The following SETX variants were observed in gnomAD, a reference collection of about 807,000 sequenced individuals.
The protein encoded by SETX is senataxin.
A neutral mutation model predicts 227.2 loss-of-function variants in SETX; 90 were observed. That is an observed-to-expected ratio of 0.40 (90% CI 0.33 to 0.47). The LOEUF is 0.47. Among genes scored for constraint, SETX ranks in the 20% least tolerant of loss-of-function variants. The probability of loss-of-function intolerance (pLI) is 0.91; values close to 1 mark genes in which losing one functional copy is unlikely to be tolerated. For synonymous variants in SETX, 1,210 were observed against 1,113.2 expected (o/e 1.09, Z -1.73); for missense variants, 3,052 against 3,181.5 (o/e 0.96, Z 0.98).
Position 132,264,166 on chromosome 9 carries a change from T to C in SETX, c.*73A>G, listed in dbSNP as rs951887677. Reference sequence around the variant, plus strand: ...ACTCCTTACAAAAAACAAGCTTATCTAGATGGTCCCACGAGCTGGTCATCT... The same window carrying C: ...ACTCCTTACAAAAAACAAGCTTATCCAGATGGTCCCACGAGCTGGTCATCT... On this transcript the variant is annotated 3_prime_UTR_variant, in exon 26 of 26. Coordinates refer to ENST00000224140, the MANE Select transcript of SETX (RefSeq NM_015046.7). 2 of 1,603,050 alleles carry C rather than the reference T, an allele frequency of 1.2e-6. No individual in the cohort carries two copies. The highest frequency in any genetic ancestry group is 8.5e-7 in the Non-Finnish European group (1 of 1,175,772).
chr9:132,277,935 A>AT (rs1843259220), intron 21 of SETX, 135 bp downstream of exon 21: 5 of 870,612 alleles, frequency 5.7e-6, no homozygotes, highest in Non-Finnish European at 9.1e-6. Context: ...GATGGCTATT[A>AT]TAACAGGACA....
At chr9:132,320,010 C>T (rs1846219474) in intron 10 of SETX, among the ~76,000 whole-genome samples, 1 of 152,134 alleles carries the variant, frequency 6.6e-6, no homozygotes, top group South Asian at 2.1e-4. Context: ...CCACAACTGA[C>T]TGCAAAAAAT....
rs1842438716 is a variant in SETX, at chr9:132,262,275, G to A, written c.*1964C>T. ...TTATTTCTCAAATCATGTGTTAATA[G>A]TATTAACATGAGCAGCGTGAGAGAC... On this transcript the variant is annotated 3_prime_UTR_variant, in exon 26 of 26. Transcript: ENST00000224140. The A allele has an allele frequency of 1.3e-5, 2 of 152,302 alleles. No homozygotes were observed. Among genetic ancestry groups the A allele is most frequent in the African/African-American group, 4.8e-5 (2 of 41,556 alleles). 9.4% of individuals were successfully genotyped at this position (152,302 alleles called of 1,614,324 possible).
chr9:132,290,985 C>T (rs186754255), intron 15 of SETX, among the ~76,000 whole-genome samples: 1 of 151,970 alleles, frequency 6.6e-6, no homozygotes, highest in East Asian at 1.9e-4. Flanking sequence ...AAATGTTAAG[C>T]CCCAAAAGAA....
chr9:132,270,699 T>G (rs534438981), intron 24 of SETX, among the ~76,000 whole-genome samples: 11 of 152,326 alleles, frequency 7.2e-5, no homozygotes, highest in African/African-American at 2.6e-4. Context: ...AAAAATGTGG[T>G]ACCAGCCTAA....
chr9:132,328,749 G>A lies in SETX; in HGVS notation c.2849C>T (p.Ser950Phe), dbSNP rs1847020598. ...TATCTGAGAATCCGTTAAGGTGTCA[G>A]ATTTAGGACTGATGTCAGGGGCCTG... is the stretch of plus-strand genomic sequence containing the variant. ...REQAPDISPKSDTLTDSQIDR... is the reference protein window; with the variant it reads ...REQAPDISPKFDTLTDSQIDR... The change falls in exon 10 of 26, where the codon TCT becomes TTT. Residue 950 changes from serine (S) to phenylalanine (F), a missense_variant. By Grantham distance (155) the Ser-to-Phe change is radical (BLOSUM62 -2). This residue lies in a region of SETX where 1,483 missense variants were observed against 1,312.0 expected (regional missense o/e 1.13). Transcript: ENST00000224140. 1 of 1,612,756 alleles carries A rather than the reference G, an allele frequency of 6.2e-7. No homozygotes were observed.
At chr9:132,321,775 G>A (rs13295298) in intron 10 of SETX, among the ~76,000 whole-genome samples, 1 of 151,554 alleles carries the variant, frequency 6.6e-6, no homozygotes, top group African/African-American at 2.4e-5. Flanking sequence ...TTGAACCCAA[G>A]AGGCAGAGGT....
rs546117678 is a variant in SETX, at chr9:132,352,390, G to A, written c.-8+1259C>T. On this transcript the variant is annotated intron_variant, in intron 2 of 25. Transcript: ENST00000224140. ...TCTTCATTCAGTACTCTTTCTGGGC[G>A]GCCTACTTCAAACCACTGCTTCAAC... 2.0e-4 allele frequency among the ~76,000 whole-genome samples: 31 copies of A among 152,248 alleles called. 1 individual carries two copies. The South Asian group carries it at 5.2e-3, about 25-fold the overall frequency.
intron 2 of SETX, among the ~76,000 whole-genome samples, chr9:132,352,259 C>T (rs544683428): frequency 1.3e-5 from 2 of 152,326 alleles, no homozygotes; most frequent in South Asian, 4.1e-4. Flanking sequence ...TACAACACAC[C>T]ATTTTTTGGA....
At position 132,328,417 on chromosome 9, in the gene SETX, G is replaced by A. The variant is rs111537259; in HGVS notation, c.3181C>T (p.Pro1061Ser). 6.2e-7 allele frequency: 1 copy of A among 1,613,684 alleles called. No homozygotes were observed. Among genetic ancestry groups the A allele is most frequent in the African/African-American group, 1.3e-5 (1 of 74,864 alleles). ...GTCTCTGTCTTTTCTTCCTTTACTG[G>A]ATTCTTTTCCTCCTTACTATTAACT... ...STVNSKEEKNPVKEEKTETLF... is the reference protein window; with the variant it reads ...STVNSKEEKNSVKEEKTETLF... The change falls in exon 10 of 26, where the codon CCA (proline) becomes TCA (serine). Residue 1061 changes from proline to serine, a missense_variant. Coordinates refer to ENST00000224140, the MANE Select transcript of SETX (RefSeq NM_015046.7).
chr9:132,265,776 A>C (rs891698275), intron 25 of SETX, among the ~76,000 whole-genome samples: 1 of 152,040 alleles, frequency 6.6e-6, no homozygotes, highest in Non-Finnish European at 1.5e-5. Context: ...TACTGCCTAC[A>C]CCTCTTGGCA....
Position 132,340,035 on chromosome 9 carries a change from T to C in SETX, c.498+2655A>G, listed in dbSNP as rs1847864041. Among the ~76,000 whole-genome samples, 3 of 152,186 alleles carry C rather than the reference T, an allele frequency of 2.0e-5. No individual in the cohort carries two copies. In the South Asian group the frequency reaches 6.2e-4, roughly 32 times the overall value. On this transcript the variant is annotated intron_variant, in intron 5 of 25. Coordinates refer to ENST00000224140, the MANE Select transcript of SETX (RefSeq NM_015046.7). ...TTTTAGCTTTTCTTTTTATATTTTC[T>C]ATTTCTCTTTTTCTTCTTAGGGATT... is the stretch of plus-strand genomic sequence containing the variant.
At chr9:132,284,395 G>A (rs1342159170) in intron 18 of SETX, among the ~76,000 whole-genome samples, 1 of 152,144 alleles carries the variant, frequency 6.6e-6, no homozygotes, top group African/African-American at 2.4e-5. Context: ...ATGAAAATAT[G>A]CATTAAATTC....
intron 11 of SETX, among the ~76,000 whole-genome samples, chr9:132,307,232 C>A (rs920873950): frequency 6.6e-6 from 1 of 151,722 alleles, no homozygotes; most frequent in African/African-American, 2.4e-5. Context: ...CCAGCCTGGG[C>A]GACAGAGCAA....
At chr9:132,324,466 T>G (rs572995010) in intron 10 of SETX, among the ~76,000 whole-genome samples, 1 of 152,250 alleles carries the variant, frequency 6.6e-6, no homozygotes, top group South Asian at 2.1e-4. Context: ...TCCCCAACAC[T>G]CCAATCTTGT....
chr9:132,313,054 AG>A (rs1424370531), intron 10 of SETX, among the ~76,000 whole-genome samples: 2 of 152,134 alleles, frequency 1.3e-5, no homozygotes, highest in Non-Finnish European at 1.5e-5. Context: ...GACAGACGAG[AG>A]ATTAGTGTTT....
intron 23 of SETX, among the ~76,000 whole-genome samples, chr9:132,274,274 C>T (rs1048753060): frequency 1.3e-5 from 2 of 152,056 alleles, no homozygotes; most frequent in Non-Finnish European, 1.5e-5. Flanking sequence ...CAGTGTAATA[C>T]TGGCTTCAAA....
chr9:132,282,212 T>C (rs1419168886), intron 19 of SETX, among the ~76,000 whole-genome samples: 3 of 151,958 alleles, frequency 2.0e-5, no homozygotes, highest in Non-Finnish European at 4.4e-5. Flanking sequence ...GTGCTTTTTG[T>C]TCCTGCTGGG....
chr9:132,273,877 A>G (rs966746854), intron 23 of SETX, among the ~76,000 whole-genome samples: 7 of 152,210 alleles, frequency 4.6e-5, no homozygotes, highest in African/African-American at 1.7e-4. Context: ...TCCTGATCTT[A>G]GAGGAAAGGC....
Sources: allele counts gnomAD v4.1 joint callset (sites outside exome capture counted in the v4.1 genomes callset), GRCh38; gene constraint gnomAD v4.1.1; regional missense constraint gnomAD v4.1.1; transcripts MANE v1.5; gene names NCBI Gene and HGNC (gene_info 2026-07-23, HGNC 2026-07-21).